Variants in CD59 observed in about 807,000 individuals in gnomAD.
The protein encoded by CD59 is CD59 molecule (CD59 blood group).
CD59 carries 3 observed loss-of-function variants against 7.0 expected under a neutral mutation model. That is an observed-to-expected ratio of 0.43 (90% confidence interval 0.19 to 1.10). The LOEUF (loss-of-function observed/expected upper bound fraction) is 1.10, where lower values mean the gene tolerates loss of function less well. Ranked by LOEUF, CD59 falls within the 50% of genes least tolerant of loss-of-function variation. The probability of loss-of-function intolerance (pLI) is 0.29; values close to 1 mark genes in which losing one functional copy is unlikely to be tolerated. For synonymous variants in CD59, 60 were observed against 62.0 expected (o/e 0.97, Z 0.15); for missense variants, 143 against 151.0 (o/e 0.95, Z 0.28).
At chr11:33,726,039 T>TA in intron 1 of CD59, among the ~76,000 whole-genome samples, 1 of 152,162 alleles carries the variant, frequency 6.6e-6, no homozygotes, top group East Asian at 1.9e-4. Context: ...AGCAAGTTCT[T>TA]AGAGACCTAC....
At chr11:33,727,412 C>T (rs963507890) in intron 1 of CD59, among the ~76,000 whole-genome samples, 4 of 152,072 alleles carry the variant, frequency 2.6e-5, no homozygotes, top group Non-Finnish European at 4.4e-5. Context: ...ACAGAACCAA[C>T]GACAAAAACC....
At chr11:33,717,509 C>T in intron 2 of CD59, 38 bp from the exon 3 acceptor site, 1 of 1,337,592 alleles carries the variant, frequency 7.5e-7, no homozygotes, top group Non-Finnish European at 1.1e-6. Flanking sequence ...CTTAAAGCAG[C>T]ACTGACTTGT....
At chr11:33,727,312 A>G (rs1053746487) in intron 1 of CD59, among the ~76,000 whole-genome samples, 2 of 152,238 alleles carry the variant, frequency 1.3e-5, no homozygotes, top group Non-Finnish European at 2.9e-5. Flanking sequence ...CACATCAAAA[A>G]GCTCATTCAC....
intron 1 of CD59, among the ~76,000 whole-genome samples, chr11:33,728,157 T>C (rs554914044): frequency 5.3e-5 from 8 of 152,268 alleles, no homozygotes; most frequent in Non-Finnish European, 1.0e-4. Context: ...CTTCACAGAA[T>C]TGGAAAAAAC....
At chr11:33,716,441 TG>T (rs1853795078) in intron 3 of CD59, among the ~76,000 whole-genome samples, 1 of 152,060 alleles carries the variant, frequency 6.6e-6, no homozygotes, top group African/African-American at 2.4e-5. Flanking sequence ...CAAATAACCT[TG>T]TGGAGTGTTT....
Position 33,709,790 on chromosome 11 carries a change from G to A in CD59, c.*336C>T, listed in dbSNP as rs774419867. On this transcript the variant is annotated 3_prime_UTR_variant, in exon 4 of 4. Coordinates refer to ENST00000642928, the MANE Select transcript of CD59 (RefSeq NM_000611.6). ...ATGATGCTAACTGACTACATCCAAG[G>A]AGCCAGAGGAAAAATAATCTGAGGG... is the stretch of plus-strand genomic sequence containing the variant. The A allele has an allele frequency of 2.3e-6, 1 of 437,866 alleles. No individual in the cohort carries two copies. 27.1% of individuals were successfully genotyped at this position (437,866 alleles called of 1,614,324 possible).
chr11:33,712,561 A>T (rs780851023), intron 3 of CD59, among the ~76,000 whole-genome samples: 3 of 152,242 alleles, frequency 2.0e-5, no homozygotes, highest in Non-Finnish European at 4.4e-5. Flanking sequence ...GATTCCTTGC[A>T]TATGAAGTGC....
At chr11:33,727,214 A>G (rs1854284178) in intron 1 of CD59, among the ~76,000 whole-genome samples, 1 of 152,192 alleles carries the variant, frequency 6.6e-6, no homozygotes, top group Non-Finnish European at 1.5e-5. Flanking sequence ...TGGCAGAGAC[A>G]CAACAACAAC....
rs571834768 is a variant in CD59 at position 33,710,254 on chromosome 11, A to C, written c.259T>G (p.Tyr87Asp). The change falls in exon 4 of 4, where the codon TAC becomes GAC. Residue 87 changes from tyrosine (Y) to aspartate (D), a missense_variant. Physicochemically the swap from Tyr to Asp is radical, Grantham distance 160. Transcript: ENST00000642928. ...TTACACAGGTCCTTCTTGCAGCAGTAGTACGTTAGCTCATTTTCCCTCAAG... is the reference window on the plus strand; with the variant it reads ...TTACACAGGTCCTTCTTGCAGCAGTCGTACGTTAGCTCATTTTCCCTCAAG... ...TRLRENELTY[Y>D]CCKKDLCNFN... is the part of the protein sequence containing the mutation. 6.2e-7 allele frequency: 1 copy of C among 1,614,158 alleles called. No homozygotes were observed. Among genetic ancestry groups the C allele is most frequent in the African/African-American group, 1.3e-5 (1 of 75,056 alleles).
At position 33,706,248 on chromosome 11, in the gene CD59, G is replaced by T. The variant is rs549838251; in HGVS notation, c.*3878C>A. ...TCATTTATCTTATCCCAGAATAACA[G>T]GAGTGTGTATAAACAGGAAGCTTTA... On this transcript the variant is annotated 3_prime_UTR_variant, in exon 4 of 4. Coordinates refer to ENST00000642928, the MANE Select transcript of CD59 (RefSeq NM_000611.6). The T allele has an allele frequency of 6.6e-6, 1 of 151,866 alleles. No homozygotes were observed. The highest frequency in any genetic ancestry group is 2.4e-5 in the African/African-American group (1 of 41,406). The allele number at this position is 151,866 out of a possible 1,614,324, so 9.4% of individuals were successfully genotyped here.
chr11:33,708,253 T>C lies in CD59; in HGVS notation c.*1873A>G, dbSNP rs574471862. The C allele has an allele frequency of 2.6e-5, 4 of 152,288 alleles. No homozygotes were observed. In the South Asian group the frequency reaches 6.2e-4, roughly 24 times the overall value. 9.4% of individuals were successfully genotyped at this position (152,288 alleles called of 1,614,324 possible). A position where few individuals can be genotyped will look rare whatever the true frequency, so the allele number is the denominator to read the frequency against. On this transcript the variant is annotated 3_prime_UTR_variant, in exon 4 of 4. Transcript: ENST00000642928. The stretch of plus-strand genomic sequence containing the variant: ...GGCCATTTATATGACCCTTGTTGAT[T>C]TGGACAGCTTAACAGCCCCATCTCC...
In CD59 at chr11:33,704,346, G is replaced by T. The variant is rs1853223219; in HGVS notation, c.*5780C>A. ...TAAGCAGTGCCAGGGACAACTAGTA[G>T]GTGGTCATTGGAGTGTGGCTACAGT... On this transcript the variant is annotated 3_prime_UTR_variant, in exon 4 of 4. Coordinates refer to ENST00000642928, the MANE Select transcript of CD59 (RefSeq NM_000611.6). The T allele has an allele frequency of 6.6e-6, 1 of 152,178 alleles. No homozygotes were observed. The highest frequency in any genetic ancestry group is 2.1e-4 in the South Asian group (1 of 4,834). 9.4% of individuals were successfully genotyped at this position (152,178 alleles called of 1,614,324 possible). A position where few individuals can be genotyped will look rare whatever the true frequency, so the allele number is the denominator to read the frequency against.
rs1383484303 is a variant in CD59 at position 33,706,607 on chromosome 11, G to A, written c.*3519C>T. On this transcript the variant is annotated 3_prime_UTR_variant, in exon 4 of 4. Coordinates refer to ENST00000642928, the MANE Select transcript of CD59 (RefSeq NM_000611.6). ...AGACATAGCCAATTAGTGGAAGAGG[G>A]TTTGAACCCAGGTTCCTAACTACAA... The A allele has an allele frequency of 6.6e-6, 1 of 151,478 alleles. No individual in the cohort carries two copies. Among genetic ancestry groups the A allele is most frequent in the East Asian group, 1.9e-4 (1 of 5,184 alleles). 9.4% of individuals were successfully genotyped at this position (151,478 alleles called of 1,614,324 possible).
intron 1 of CD59, among the ~76,000 whole-genome samples, chr11:33,732,672 T>C (rs1854453918): frequency 6.6e-6 from 1 of 152,164 alleles, no homozygotes; most frequent in South Asian, 2.1e-4. Flanking sequence ...CTGGAGTTAA[T>C]CCTCACAATA....
rs1853417273 is a variant in CD59 at position 33,708,694 on chromosome 11, G to A, written c.*1432C>T. On this transcript the variant is annotated 3_prime_UTR_variant, in exon 4 of 4. Coordinates refer to ENST00000642928, the MANE Select transcript of CD59 (RefSeq NM_000611.6). ...GGTAATGCTAAGTTTTGATAAGCAA[G>A]TTTCTATTTTCCTATGTTCAGGGAA... 1 of 151,982 alleles carries A rather than the reference G, an allele frequency of 6.6e-6. No homozygotes were observed. The highest frequency in any genetic ancestry group is 6.6e-5 in the Admixed American group (1 of 15,266). The allele number at this position is 151,982 out of a possible 1,614,324, so 9.4% of individuals were successfully genotyped here.
At chr11:33,711,254 G>A (rs1853544300) in intron 3 of CD59, 1 of 588,098 alleles carries the variant, frequency 1.7e-6, no homozygotes, top group Non-Finnish European at 3.0e-6. Flanking sequence ...ATTGTTTGAG[G>A]CGGGAAGTTT....
At chr11:33,722,587 C>T in intron 1 of CD59, 124 bp from the exon 2 acceptor site, 1 of 1,526,112 alleles carries the variant, frequency 6.6e-7, no homozygotes, top group Non-Finnish European at 8.8e-7. Context: ...AGTCAAGGCA[C>T]ACTGAATCCC....
chr11:33,732,553 T>C (rs1854450504), intron 1 of CD59, among the ~76,000 whole-genome samples: 1 of 152,216 alleles, frequency 6.6e-6, no homozygotes, highest in Non-Finnish European at 1.5e-5. Context: ...CAGGTACTTC[T>C]TTATAGCAGT....
At position 33,722,254 on chromosome 11, in the gene CD59, T is replaced by C. The variant is rs1331525535; in HGVS notation, c.67+125A>G. On this transcript the variant is annotated intron_variant, in intron 2 of 3. Transcript: ENST00000642928. ...GAGCTGTCATACAACCCCAGACCTG[T>C]AACACTGGAAGGCAAAAGAACCAAA... 8.0e-6 allele frequency: 6 copies of C among 751,356 alleles called. No homozygotes were observed. The East Asian group carries it at 1.3e-4, about 16-fold the overall frequency. 46.5% of individuals were successfully genotyped at this position (751,356 alleles called of 1,614,324 possible). A position where few individuals can be genotyped will look rare whatever the true frequency, so the allele number is the denominator to read the frequency against.
Sources: gnomAD v4.1 joint callset for allele counts (sites outside exome capture counted in the v4.1 genomes callset) on GRCh38, gnomAD v4.1.1 for gene constraint, MANE v1.5 for transcripts, NCBI Gene and HGNC (gene_info 2026-07-23, HGNC 2026-07-21) for gene names.